Variants in NR6A1 observed in about 807,000 individuals in gnomAD.
NR6A1 encodes retinoic acid receptor-related testis-associated receptor.
In NR6A1, 7 loss-of-function variants were observed where a neutral mutation model predicts 59.1. That is an observed-to-expected ratio of 0.12 (90% CI 0.07 to 0.22). NR6A1 has a LOEUF of 0.22. NR6A1 is among the 10% of genes least tolerant of loss of function. The pLI is 1.00. For missense variants in NR6A1, 468 were observed against 611.6 expected (o/e 0.77, Z 2.48); for synonymous variants, 243 against 236.1 (o/e 1.03, Z -0.27).
chr9:124,656,180 G>A (rs560101240), intron 2 of NR6A1, among the ~76,000 whole-genome samples: 29 of 152,166 alleles, frequency 1.9e-4, no homozygotes, highest in Non-Finnish European at 3.4e-4. Context: ...CCTACCATGT[G>A]ATCTCTGCAC....
At chr9:124,574,125 T>C (rs1834524800) in intron 2 of NR6A1, among the ~76,000 whole-genome samples, 1 of 152,228 alleles carries the variant, frequency 6.6e-6, no homozygotes, top group Non-Finnish European at 1.5e-5. Context: ...ACCAGGAATA[T>C]AAATTTCAAA....
intron 1 of NR6A1, among the ~76,000 whole-genome samples, chr9:124,762,002 TC>T (rs1840796328): frequency 6.6e-6 from 1 of 152,232 alleles, no homozygotes; most frequent in Non-Finnish European, 1.5e-5. Context: ...GAACTCATTT[TC>T]AATAAAAGTA....
At chr9:124,631,890 C>T (rs1032036635) in intron 2 of NR6A1, among the ~76,000 whole-genome samples, 1 of 152,168 alleles carries the variant, frequency 6.6e-6, no homozygotes, top group Non-Finnish European at 1.5e-5. Context: ...CATCATTTAG[C>T]TCCTACTTAT....
Position 124,517,955 on chromosome 9 carries a change from G to GA in NR6A1, c.*4749_*4750insT, listed in dbSNP as rs1832723242. 1 of 148,552 alleles carries GA rather than the reference G, an allele frequency of 6.7e-6. No homozygotes were observed. The highest frequency in any genetic ancestry group is 1.5e-5 in the Non-Finnish European group (1 of 66,974). 9.2% of individuals were successfully genotyped at this position (148,552 alleles called of 1,614,324 possible). On this transcript the variant is annotated 3_prime_UTR_variant, in exon 10 of 10. Coordinates refer to ENST00000487099, the MANE Select transcript of NR6A1 (RefSeq NM_033334.4). ...CGACCAGGATGTCGCTTAAGAGGTA[G>GA]TTTTTTTTTTCTTTTTCATGGAAAT... is the stretch of plus-strand genomic sequence containing the variant.
At chr9:124,703,212 T>G (rs1193841751) in intron 2 of NR6A1, among the ~76,000 whole-genome samples, 1 of 141,194 alleles carries the variant, frequency 7.1e-6, no homozygotes, top group African/African-American at 2.7e-5. Flanking sequence ...GCCACATTTT[T>G]TTTTTTTTTT....
At chr9:124,704,517 C>A (rs1839065378) in intron 2 of NR6A1, among the ~76,000 whole-genome samples, 1 of 151,954 alleles carries the variant, frequency 6.6e-6, no homozygotes, top group Non-Finnish European at 1.5e-5. Flanking sequence ...CTCAAGCAAT[C>A]CTCCCACCTC....
At chr9:124,743,458 T>C (rs1840233943) in intron 1 of NR6A1, among the ~76,000 whole-genome samples, 1 of 152,218 alleles carries the variant, frequency 6.6e-6, no homozygotes, top group Non-Finnish European at 1.5e-5. Flanking sequence ...TAATGTAATT[T>C]TCTTAAACAT....
At chr9:124,721,542 G>A (rs1453813308) in intron 2 of NR6A1, among the ~76,000 whole-genome samples, 2 of 152,128 alleles carry the variant, frequency 1.3e-5, no homozygotes, top group Non-Finnish European at 1.5e-5. Context: ...ATAAAGGGAG[G>A]AAACAAGGGA....
At chr9:124,557,125 C>G (rs1227169953) in intron 2 of NR6A1, among the ~76,000 whole-genome samples, 1 of 152,036 alleles carries the variant, frequency 6.6e-6, no homozygotes, top group Non-Finnish European at 1.5e-5. Flanking sequence ...TATTGTAATA[C>G]AATCCTCCTT....
At chr9:124,610,996 G>C (rs1331754369) in intron 2 of NR6A1, among the ~76,000 whole-genome samples, 1 of 152,090 alleles carries the variant, frequency 6.6e-6, no homozygotes, top group African/African-American at 2.4e-5. Context: ...AGTGCTATTT[G>C]AGGATACTAC....
intron 2 of NR6A1, among the ~76,000 whole-genome samples, chr9:124,571,887 G>C (rs1009962545): frequency 4.6e-5 from 7 of 151,734 alleles, no homozygotes; most frequent in African/African-American, 1.7e-4. Context: ...CAGGGCTTGA[G>C]CTAGTTAAGT....
At chr9:124,698,418 T>C (rs1240122208) in intron 2 of NR6A1, 1 of 152,068 alleles carries the variant, frequency 6.6e-6, no homozygotes, top group Non-Finnish European at 1.5e-5. Flanking sequence ...GCTGCAGGGA[T>C]AGTAGAAAGT....
chr9:124,743,969 G>A (rs1229305522), intron 1 of NR6A1, among the ~76,000 whole-genome samples: 4 of 152,228 alleles, frequency 2.6e-5, no homozygotes, highest in African/African-American at 9.6e-5. Flanking sequence ...GCTCACGCCT[G>A]TAATCTCAGA....
At chr9:124,558,058 G>T (rs540562332) in intron 2 of NR6A1, among the ~76,000 whole-genome samples, 1 of 152,248 alleles carries the variant, frequency 6.6e-6, no homozygotes, top group East Asian at 1.9e-4. Context: ...CTCCAAAATG[G>T]TTAAACAATT....
intron 2 of NR6A1, among the ~76,000 whole-genome samples, chr9:124,581,424 T>C (rs1834762081): frequency 6.6e-6 from 1 of 152,034 alleles, no homozygotes. Flanking sequence ...AAACCCCGTC[T>C]CTACTAAAAA....
At chr9:124,738,744 C>T (rs1470766188) in intron 1 of NR6A1, among the ~76,000 whole-genome samples, 1 of 152,078 alleles carries the variant, frequency 6.6e-6, no homozygotes, top group East Asian at 1.9e-4. Flanking sequence ...GCGGCTCACA[C>T]CTGTAATCCC....
intron 2 of NR6A1, among the ~76,000 whole-genome samples, chr9:124,631,519 T>C (rs1004298197): frequency 6.6e-6 from 1 of 152,180 alleles, no homozygotes; most frequent in African/African-American, 2.4e-5. Flanking sequence ...AATAGAATGA[T>C]AGGCCAGCTG....
At chr9:124,668,533 A>G (rs766694786) in intron 2 of NR6A1, among the ~76,000 whole-genome samples, 1 of 152,366 alleles carries the variant, frequency 6.6e-6, no homozygotes, top group Admixed American at 6.5e-5. Context: ...AGAAAAACAT[A>G]AAAAGGAAAA....
At chr9:124,628,537 T>C (rs1325749841) in intron 2 of NR6A1, among the ~76,000 whole-genome samples, 1 of 151,888 alleles carries the variant, frequency 6.6e-6, no homozygotes, top group African/African-American at 2.4e-5. Flanking sequence ...AGAGATGGTG[T>C]TTCACCATGT....
Sources: gnomAD v4.1 joint callset for allele counts (sites outside exome capture counted in the v4.1 genomes callset) on GRCh38, gnomAD v4.1.1 for gene constraint, MANE v1.5 for transcripts, NCBI Gene and HGNC (gene_info 2026-07-23, HGNC 2026-07-21) for gene names.